Variants in CHORDC1 observed in about 807,000 individuals in gnomAD.
CHORDC1 encodes the protein cysteine and histidine-rich domain-containing protein 1.
In CHORDC1, 25 loss-of-function variants were observed where a neutral mutation model predicts 48.3. The observed-to-expected ratio is 0.52, with a 90% CI of 0.38 to 0.72. The LOEUF is 0.72. Ranked by LOEUF, CHORDC1 falls within the 30% of genes least tolerant of loss-of-function variation. The pLI is 0.00. For missense variants in CHORDC1, 317 were observed against 388.7 expected, an observed-to-expected ratio of 0.82 and a Z score of 1.55; for synonymous variants, 128 against 126.4, an observed-to-expected ratio of 1.01 and a Z score of -0.09.
intron 6 of CHORDC1, chr11:90,206,881 G>A (rs1378218993): frequency 7.8e-6 from 5 of 643,152 alleles, no homozygotes; most frequent in Non-Finnish European, 1.2e-5. Context: ...TTCTATTTTT[G>A]TATTTATAGC....
Position 90,202,235 on chromosome 11 carries a change from G to A in CHORDC1, c.*170C>T, listed in dbSNP as rs1249289961. 3 of 613,648 alleles carry A rather than the reference G, an allele frequency of 4.9e-6. No individual in the cohort carries two copies. Among genetic ancestry groups the A allele is most frequent in the South Asian group, 2.0e-5 (1 of 49,292 alleles). The allele number at this position is 613,648 out of a possible 1,614,324, so 38.0% of individuals were successfully genotyped here. On this transcript the variant is annotated 3_prime_UTR_variant, in exon 11 of 11. Transcript: ENST00000320585. ...ATCTTACATAACACAAAAGAAAGAT[G>A]AGAGGCACAAAAAGACAAACTGACT...
chr11:90,206,703 G>T, intron 6 of CHORDC1: 1 of 897,898 alleles, frequency 1.1e-6, no homozygotes, highest in Middle Eastern at 2.7e-4. Context: ...GTTCTAGAGT[G>T]ATGGTGATTT....
At chr11:90,216,498 C>T (rs1262681470) in intron 2 of CHORDC1, 1 of 412,346 alleles carries the variant, frequency 2.4e-6, no homozygotes, top group Non-Finnish European at 4.7e-6. Flanking sequence ...GATGTATACG[C>T]ATTTTGTCTG....
chr11:90,209,179 G>GTATC (rs1169872409), intron 6 of CHORDC1: 1 of 151,946 alleles, frequency 6.6e-6, no homozygotes, highest in Non-Finnish European at 1.5e-5. Flanking sequence ...AAATACAATT[G>GTATC]TATCTCCATT....
At chr11:90,218,033 G>C (rs566879294) in intron 2 of CHORDC1, 102 bp downstream of exon 2, 2 of 817,302 alleles carry the variant, frequency 2.4e-6, no homozygotes, top group Admixed American at 7.4e-5. Context: ...TCATTAAGAA[G>C]AAAGTCACTA....
At chr11:90,210,745 A>G in intron 5 of CHORDC1, 151 bp from the exon 6 acceptor site, 1 of 596,712 alleles carries the variant, frequency 1.7e-6, no homozygotes. Flanking sequence ...GATATATGAC[A>G]CATTTCTTCT....
At chr11:90,206,415 G>T in intron 6 of CHORDC1, 143 bp from the exon 7 acceptor site, 1 of 577,790 alleles carries the variant, frequency 1.7e-6, no homozygotes, top group Non-Finnish European at 3.1e-6. Context: ...TCCATCCCAC[G>T]CCATTCTGTT....
intron 2 of CHORDC1, among the ~76,000 whole-genome samples, chr11:90,217,397 T>C (rs186580810): frequency 3.9e-4 from 60 of 152,302 alleles, no homozygotes; most frequent in East Asian, 1.2e-3. Flanking sequence ...TTTAAAAAGA[T>C]GACCAGCAAA....
intron 1 of CHORDC1, among the ~76,000 whole-genome samples, chr11:90,218,826 CCT>C (rs1034481760): frequency 2.2e-4 from 33 of 152,246 alleles, no homozygotes; most frequent in Admixed American, 2.6e-4. Flanking sequence ...TGGCGGCAGC[CCT>C]GTCTGGAAAG....
chr11:90,205,588 T>G, intron 7 of CHORDC1, 23 bp from the exon 8 acceptor site: 1 of 1,416,130 alleles, frequency 7.1e-7, no homozygotes, highest in East Asian at 2.3e-5. Flanking sequence ...ACAGAAAAAC[T>G]TCAGAAATAA....
intron 6 of CHORDC1, chr11:90,208,130 C>A (rs1401033851): frequency 6.6e-6 from 1 of 151,984 alleles, no homozygotes; most frequent in Admixed American, 6.6e-5. Context: ...AAAAGTCATG[C>A]ACAAGAATGT....
chr11:90,215,261 C>T lies in CHORDC1; in HGVS notation c.115-31G>A, dbSNP rs764641103. The T allele has an allele frequency of 6.9e-6, 10 of 1,458,082 alleles. No homozygotes were observed. The East Asian group carries it at 2.2e-4, about 32-fold the overall frequency. 90.3% of individuals were successfully genotyped at this position (1,458,082 alleles called of 1,614,324 possible). A position where few individuals can be genotyped will look rare whatever the true frequency, so the allele number is the denominator to read the frequency against. ...AAAAACAAGAGAAGGAAACTAAAAA[C>T]TCTATTTGCATGAGAAACACGACCC... is the stretch of plus-strand genomic sequence containing the variant. On this transcript the variant is annotated intron_variant, in intron 2 of 10. Coordinates refer to ENST00000320585, the MANE Select transcript of CHORDC1 (RefSeq NM_012124.3).
chr11:90,213,762 C>T (rs1857931209), intron 4 of CHORDC1: 1 of 461,280 alleles, frequency 2.2e-6, no homozygotes. Context: ...TGTGACTTCC[C>T]TACCCTGATG....
chr11:90,203,431 T>A lies in CHORDC1; in HGVS notation c.670-4A>T, dbSNP rs755176692. ...TACATGGAACAACTTTTTTCCCCTG[T>A]AATGTAAGAGAAACTCTGTAAGTTA... On this transcript the variant is annotated splice_polypyrimidine_tract_variant and splice_region_variant and intron_variant, in intron 8 of 10. Transcript: ENST00000320585. 1.9e-6 allele frequency: 3 copies of A among 1,541,720 alleles called. No homozygotes were observed. In the East Asian group the frequency reaches 6.8e-5, roughly 35 times the overall value.
rs1391080376 is a variant in CHORDC1 at position 90,200,519 on chromosome 11, C to T, written c.*1886G>A. Among the ~76,000 whole-genome samples, 2 of 151,844 alleles carry T rather than the reference C, an allele frequency of 1.3e-5. No individual in the cohort carries two copies. Among genetic ancestry groups the T allele is most frequent in the African/African-American group, 2.4e-5 (1 of 41,396 alleles). On this transcript the variant is annotated 3_prime_UTR_variant, in exon 11 of 11. Transcript: ENST00000320585. ...ATGCTACCTAACGATAACTGTGTCC[C>T]TTTATGTATGAGTCTAAGAGAAATA...
intron 2 of CHORDC1, chr11:90,216,356 T>C: frequency 4.1e-6 from 1 of 245,456 alleles, no homozygotes; most frequent in Non-Finnish European, 8.0e-6. Flanking sequence ...TATGTGAATA[T>C]AAGGTTGCTA....
At chr11:90,216,520 A>T in intron 2 of CHORDC1, 1 of 440,056 alleles carries the variant, frequency 2.3e-6, no homozygotes. Flanking sequence ...AATCTTCTGG[A>T]CTGTGAAATC....
At position 90,205,577 on chromosome 11, in the gene CHORDC1, C is replaced by T. The variant is rs371223493; in HGVS notation, c.564-12G>A. 4.9e-4 allele frequency: 719 copies of T among 1,460,576 alleles called. No individual in the cohort carries two copies. The highest frequency in any genetic ancestry group is 2.5e-3 in the South Asian group (208 of 82,008). 90.5% of individuals were successfully genotyped at this position (1,460,576 alleles called of 1,614,324 possible). A position where few individuals can be genotyped will look rare whatever the true frequency, so the allele number is the denominator to read the frequency against. ...TCCAGTATTTCATCCTTTAAATTAT[C>T]ACAGAAAAACTTCAGAAATAAAATC... On this transcript the variant is annotated splice_polypyrimidine_tract_variant and intron_variant, in intron 7 of 10. Transcript: ENST00000320585.
chr11:90,204,800 ATACAT>A (rs1223514342), intron 8 of CHORDC1, among the ~76,000 whole-genome samples: 2 of 152,200 alleles, frequency 1.3e-5, no homozygotes, highest in East Asian at 1.9e-4. Context: ...ACATTATAAA[ATACAT>A]TAACAATAGC....
Sources: allele counts gnomAD v4.1 joint callset (sites outside exome capture counted in the v4.1 genomes callset), GRCh38; gene constraint gnomAD v4.1.1; transcripts MANE v1.5; gene names NCBI Gene and HGNC (gene_info 2026-07-23, HGNC 2026-07-21).